The following C1orf21 variants were observed in gnomAD, a reference collection of about 807,000 sequenced individuals.
C1orf21 encodes the protein chromosome 1 open reading frame 21.
C1orf21 carries 3 observed loss-of-function variants against 18.7 expected under a neutral mutation model. That is an observed-to-expected ratio of 0.16 (90% CI 0.07 to 0.42). The LOEUF is 0.42. Among genes scored for constraint, C1orf21 ranks in the 10% least tolerant of loss-of-function variants. The probability of loss-of-function intolerance (pLI) is 0.99; values close to 1 mark genes in which losing one functional copy is unlikely to be tolerated. For missense variants in C1orf21, 104 were observed against 143.6 expected, an observed-to-expected ratio of 0.72 and a Z score of 1.41; for synonymous variants, 41 against 46.4, an observed-to-expected ratio of 0.88 and a Z score of 0.47.
intron 3 of C1orf21, among the ~76,000 whole-genome samples, chr1:184,540,936 C>G (rs1658640251): frequency 6.6e-6 from 1 of 152,134 alleles, no homozygotes. Flanking sequence ...TATTTGAAAG[C>G]CAGTTCCAAA....
At chr1:184,393,729 C>T (rs769637041) in intron 1 of C1orf21, among the ~76,000 whole-genome samples, 2 of 152,106 alleles carry the variant, frequency 1.3e-5, no homozygotes, top group African/African-American at 4.8e-5. Context: ...AAAAGCATTC[C>T]AGAGATTTTC....
chr1:184,555,606 G>A (rs1387159105), intron 3 of C1orf21, among the ~76,000 whole-genome samples: 1 of 151,894 alleles, frequency 6.6e-6, no homozygotes, highest in African/African-American at 2.4e-5. Flanking sequence ...TCTTTACCCA[G>A]ACCCTTGGGC....
chr1:184,474,031 TAAA>T (rs1206006636), intron 1 of C1orf21, among the ~76,000 whole-genome samples: 2 of 152,180 alleles, frequency 1.3e-5, no homozygotes, highest in African/African-American at 4.8e-5. Context: ...AATGACATAG[TAAA>T]AAACTTTCTT....
chr1:184,463,491 TA>T (rs1200858372), intron 1 of C1orf21, among the ~76,000 whole-genome samples: 2 of 152,228 alleles, frequency 1.3e-5, no homozygotes, highest in Non-Finnish European at 2.9e-5. Context: ...TTAAAGCTTT[TA>T]TTTTTTTACT....
At chr1:184,433,413 GT>G (rs1656804118) in intron 1 of C1orf21, among the ~76,000 whole-genome samples, 1 of 152,092 alleles carries the variant, frequency 6.6e-6, no homozygotes, top group Non-Finnish European at 1.5e-5. Context: ...TCTTTGTAAA[GT>G]GCAGATCTGA....
At chr1:184,437,029 A>C (rs1460330724) in intron 1 of C1orf21, among the ~76,000 whole-genome samples, 1 of 152,134 alleles carries the variant, frequency 6.6e-6, no homozygotes, top group Non-Finnish European at 1.5e-5. Flanking sequence ...TTGACAACCC[A>C]GGGCCTTTTC....
At chr1:184,614,880 C>A (rs1402110030) in intron 5 of C1orf21, among the ~76,000 whole-genome samples, 1 of 152,212 alleles carries the variant, frequency 6.6e-6, no homozygotes, top group East Asian at 1.9e-4. Context: ...CAGCTTCACT[C>A]ACTCGCCTGT....
intron 3 of C1orf21, chr1:184,568,439 A>G (rs958845034): frequency 2.1e-6 from 1 of 470,560 alleles, no homozygotes; most frequent in Non-Finnish European, 4.4e-6. Context: ...CATGAATTTG[A>G]CTACTCCAGG....
intron 1 of C1orf21, among the ~76,000 whole-genome samples, chr1:184,427,579 C>G (rs1039050605): frequency 6.6e-6 from 1 of 152,072 alleles, no homozygotes; most frequent in Non-Finnish European, 1.5e-5. Flanking sequence ...GGTTATTGAA[C>G]CTTTCTTGGC....
intron 1 of C1orf21, among the ~76,000 whole-genome samples, chr1:184,425,618 A>G (rs564700426): frequency 1.8e-4 from 27 of 152,192 alleles, no homozygotes; most frequent in African/African-American, 6.5e-4. Context: ...GGTCTCCAGC[A>G]GTCTTGCCTC....
chr1:184,475,953 G>A (rs1274940703), intron 1 of C1orf21, among the ~76,000 whole-genome samples: 1 of 152,092 alleles, frequency 6.6e-6, no homozygotes, highest in Non-Finnish European at 1.5e-5. Context: ...CATAACCACT[G>A]ATAGAGAATA....
At chr1:184,510,709 G>A (rs1417113837) in intron 3 of C1orf21, among the ~76,000 whole-genome samples, 1 of 152,214 alleles carries the variant, frequency 6.6e-6, no homozygotes, top group Admixed American at 6.5e-5. Flanking sequence ...ATGGGCTAAT[G>A]TATAGAGCCT....
intron 1 of C1orf21, among the ~76,000 whole-genome samples, chr1:184,473,205 T>G (rs772237074): frequency 2.6e-4 from 39 of 152,200 alleles, no homozygotes; most frequent in Non-Finnish European, 1.0e-4. Context: ...TGGGACTTAG[T>G]TTTAGAAGAT....
intron 5 of C1orf21, among the ~76,000 whole-genome samples, chr1:184,610,306 A>G (rs921457938): frequency 1.4e-4 from 22 of 152,230 alleles, no homozygotes; most frequent in African/African-American, 5.1e-4. Flanking sequence ...CAAGCTTACA[A>G]TGGCAGAGTT....
intron 3 of C1orf21, among the ~76,000 whole-genome samples, chr1:184,577,947 G>GTTTTTTTTTTTTTT (rs201196718): frequency 8.1e-5 from 7 of 86,750 alleles, no homozygotes; most frequent in Non-Finnish European, 1.3e-4. Context: ...TTTTTGTTTT[G>GTTTTTTTTTTTTTT]TTTTTGTTTT....
intron 1 of C1orf21, among the ~76,000 whole-genome samples, chr1:184,443,852 C>T (rs764895696): frequency 6.6e-6 from 1 of 152,120 alleles, no homozygotes; most frequent in Non-Finnish European, 1.5e-5. Context: ...CTGGATTGCA[C>T]TGTTTAGAGC....
intron 3 of C1orf21, among the ~76,000 whole-genome samples, chr1:184,584,292 G>A (rs1209535653): frequency 6.6e-6 from 1 of 151,998 alleles, no homozygotes; most frequent in African/African-American, 2.4e-5. Context: ...ATGCTCCTAA[G>A]GTGGATTTTC....
intron 3 of C1orf21, among the ~76,000 whole-genome samples, chr1:184,529,982 C>T (rs1022534583): frequency 3.3e-5 from 5 of 152,146 alleles, no homozygotes; most frequent in African/African-American, 1.2e-4. Context: ...GCACTCTTTA[C>T]CATATCTTAC....
At chr1:184,557,067 G>T (rs1041849821) in intron 3 of C1orf21, among the ~76,000 whole-genome samples, 1 of 151,958 alleles carries the variant, frequency 6.6e-6, no homozygotes, top group Non-Finnish European at 1.5e-5. Flanking sequence ...TTGCTGATTC[G>T]TTTGCATGTG....
Sources: gnomAD v4.1 joint callset for allele counts (sites outside exome capture counted in the v4.1 genomes callset) on GRCh38, gnomAD v4.1.1 for gene constraint, MANE v1.5 for transcripts, NCBI Gene and HGNC (gene_info 2026-07-23, HGNC 2026-07-21) for gene names.